The following SSBP3 variants were observed in gnomAD, a reference collection of about 807,000 sequenced individuals.
SSBP3 encodes single-stranded DNA-binding protein 3.
A neutral mutation model predicts 69.6 loss-of-function variants in SSBP3; 5 were observed. That is an observed-to-expected ratio of 0.07 (90% CI 0.04 to 0.15). The LOEUF (loss-of-function observed/expected upper bound fraction) is 0.15. Ranked by LOEUF, SSBP3 falls within the 10% of genes least tolerant of loss-of-function variation. The pLI is 1.00. For synonymous variants in SSBP3, 196 were observed against 193.4 expected, an observed-to-expected ratio of 1.01 and a Z score of -0.11; for missense variants, 312 against 534.0, an observed-to-expected ratio of 0.58 and a Z score of 4.10.
chr1:54,317,208 C>T (rs1394405553), intron 4 of SSBP3, among the ~76,000 whole-genome samples: 1 of 152,066 alleles, frequency 6.6e-6, no homozygotes, highest in Admixed American at 6.6e-5. Flanking sequence ...GCATATGAGG[C>T]CATTAAACTG....
rs529259342 is a variant in SSBP3 at position 54,253,000 on chromosome 1, C to T, written c.508-1140G>A. On this transcript the variant is annotated intron_variant, in intron 7 of 17. Coordinates refer to ENST00000610401, the Ensembl canonical transcript of SSBP3. ...CTCCTGCCTTGAGCTCAATAGTGAA[C>T]TTCAAACCGGTTTTGGAACGAGGTG... is the stretch of plus-strand genomic sequence containing the variant. Among the ~76,000 whole-genome samples, 7 of 152,194 alleles carry T rather than the reference C, an allele frequency of 4.6e-5. No homozygotes were observed. In the South Asian group the frequency reaches 1.5e-3, roughly 32 times the overall value.
intron 4 of SSBP3, among the ~76,000 whole-genome samples, chr1:54,290,924 AAC>A (rs965210838): frequency 1.2e-4 from 19 of 152,236 alleles, no homozygotes; most frequent in South Asian, 2.1e-4. Context: ...CCATTAGCAA[AAC>A]ACACACACAC....
intron 7 of SSBP3, among the ~76,000 whole-genome samples, chr1:54,254,923 C>A (rs1158815493): frequency 6.6e-6 from 1 of 152,118 alleles, no homozygotes; most frequent in Non-Finnish European, 1.5e-5. Flanking sequence ...GCCTCCGACT[C>A]CTAGGTCCCA....
At chr1:54,346,153 C>T (rs1646686774) in intron 4 of SSBP3, among the ~76,000 whole-genome samples, 1 of 146,754 alleles carries the variant, frequency 6.8e-6, no homozygotes, top group South Asian at 2.2e-4. Flanking sequence ...CAGAGTAAGA[C>T]TTCATCTCAA....
At chr1:54,350,820 G>A (rs1420636469) in intron 4 of SSBP3, among the ~76,000 whole-genome samples, 1 of 152,084 alleles carries the variant, frequency 6.6e-6, no homozygotes, top group Non-Finnish European at 1.5e-5. Context: ...CACAGAAATA[G>A]AACCCGCACA....
chr1:54,324,457 C>T (rs143384561), intron 4 of SSBP3, among the ~76,000 whole-genome samples: 11 of 151,440 alleles, frequency 7.3e-5, no homozygotes, highest in Non-Finnish European at 1.3e-4. Context: ...CACTCAGTGA[C>T]CCCATAGGCC....
intron 4 of SSBP3, among the ~76,000 whole-genome samples, chr1:54,306,892 G>A (rs1011841842): frequency 3.9e-5 from 6 of 152,142 alleles, no homozygotes; most frequent in Admixed American, 2.0e-4. Context: ...GGACAGAGGT[G>A]GCATGCGCCT....
chr1:54,227,580 T>C (rs1424324540), intron 17 of SSBP3, among the ~76,000 whole-genome samples: 1 of 152,052 alleles, frequency 6.6e-6, no homozygotes, highest in African/African-American at 2.4e-5. Flanking sequence ...TGGGATTCTT[T>C]TCTGTTTTTC....
At chr1:54,225,587 G>T in exon 18 of SSBP3, 1 of 439,892 alleles carries the variant, frequency 2.3e-6, no homozygotes. Flanking sequence ...CCAATAATCC[G>T]CACAAAGTCT....
chr1:54,330,469 A>G (rs1460736454), intron 4 of SSBP3, among the ~76,000 whole-genome samples: 1 of 152,148 alleles, frequency 6.6e-6, no homozygotes, highest in Non-Finnish European at 1.5e-5. Context: ...TCTTTCTGGC[A>G]TTGAGTGTAA....
At chr1:54,339,205 G>T (rs1646563493) in intron 4 of SSBP3, among the ~76,000 whole-genome samples, 1 of 152,166 alleles carries the variant, frequency 6.6e-6, no homozygotes, top group African/African-American at 2.4e-5. Flanking sequence ...GGGGGAGAAG[G>T]GGGTCTTATC....
At chr1:54,375,715 T>A (rs1319280009) in intron 4 of SSBP3, among the ~76,000 whole-genome samples, 1 of 152,142 alleles carries the variant, frequency 6.6e-6, no homozygotes, top group African/African-American at 2.4e-5. Context: ...ATAGAAGCCA[T>A]CTATGTAAAG....
intron 5 of SSBP3, among the ~76,000 whole-genome samples, chr1:54,265,066 GA>G (rs1331896565): frequency 6.6e-6 from 1 of 152,216 alleles, no homozygotes; most frequent in African/African-American, 2.4e-5. Context: ...AATACCGACA[GA>G]AAATGGCGTA....
intron 10 of SSBP3, among the ~76,000 whole-genome samples, chr1:54,242,672 G>A (rs958973319): frequency 1.3e-5 from 2 of 152,102 alleles, no homozygotes; most frequent in Non-Finnish European, 2.9e-5. Context: ...GCGTCAGGCC[G>A]GGCACGGTGG....
chr1:54,297,956 G>C (rs1314791817), intron 4 of SSBP3, among the ~76,000 whole-genome samples: 1 of 152,086 alleles, frequency 6.6e-6, no homozygotes, highest in African/African-American at 2.4e-5. Flanking sequence ...CCTCAGTTCT[G>C]TCTCTACCCT....
chr1:54,358,720 T>C lies in SSBP3; in HGVS notation c.276+43141A>G, dbSNP rs533705393. Among the ~76,000 whole-genome samples, 17 of 152,244 alleles carry C rather than the reference T, an allele frequency of 1.1e-4. No homozygotes were observed. In the South Asian group the frequency reaches 1.2e-3, roughly 11 times the overall value. On this transcript the variant is annotated intron_variant, in intron 4 of 17. Coordinates refer to ENST00000610401, the Ensembl canonical transcript of SSBP3. The stretch of plus-strand genomic sequence containing the variant: ...TGGGGACGATGGATGCAAGAGAGGA[T>C]TGCAAGTGGGGAGGGCATCCCAGCA...
intron 4 of SSBP3, among the ~76,000 whole-genome samples, chr1:54,282,101 C>T (rs1645406053): frequency 6.6e-6 from 1 of 150,416 alleles, no homozygotes; most frequent in African/African-American, 2.5e-5. Context: ...GTCCACCATT[C>T]AGGGAGGTTG....
At position 54,241,464 on chromosome 1, in the gene SSBP3, A is replaced by G; in HGVS notation, c.801+10T>C. The G allele has an allele frequency of 6.2e-7, 1 of 1,614,140 alleles. No individual in the cohort carries two copies. Among genetic ancestry groups the G allele is most frequent in the Non-Finnish European group, 8.5e-7 (1 of 1,179,972 alleles). On this transcript the variant is annotated intron_variant, in intron 12 of 17. Coordinates refer to ENST00000610401, the Ensembl canonical transcript of SSBP3. ...GCTAGACATGCAATGCCCCAAACCC[A>G]CACACTTACCACATAGGTACCAGGT...
At chr1:54,260,199 A>C (rs1183027937) in intron 5 of SSBP3, among the ~76,000 whole-genome samples, 1 of 152,246 alleles carries the variant, frequency 6.6e-6, no homozygotes, top group Non-Finnish European at 1.5e-5. Context: ...CAAAAAAAGA[A>C]ATATGAAAAG....
Sources: gnomAD v4.1 joint callset for allele counts (sites outside exome capture counted in the v4.1 genomes callset) on GRCh38, gnomAD v4.1.1 for gene constraint, MANE v1.5 for transcripts, NCBI Gene and HGNC (gene_info 2026-07-23, HGNC 2026-07-21) for gene names.